The following ZNF573 variants were observed in gnomAD, a reference collection of about 807,000 sequenced individuals.
ZNF573 encodes zinc finger protein 573.
In ZNF573, 41 loss-of-function variants were observed where a neutral mutation model predicts 57.4. That is an observed-to-expected ratio of 0.71 (90% CI 0.56 to 0.93). The LOEUF is 0.93. Among genes scored for constraint, ZNF573 ranks in the 40% least tolerant of loss-of-function variants. ZNF573 has a pLI of 0.00. For synonymous variants in ZNF573, 249 were observed against 261.0 expected (o/e 0.95, Z 0.44); for missense variants, 730 against 794.8 (o/e 0.92, Z 0.98).
chr19:37,740,236 A>G (rs370333472), intron 4 of ZNF573, 42 bp from the exon 5 acceptor site: 18 of 1,495,324 alleles, frequency 1.2e-5, no homozygotes, highest in Non-Finnish European at 1.6e-5. Context: ...GTATTTCTAT[A>G]CCAGAGAACA....
chr19:37,739,164 A>C lies in ZNF573; in HGVS notation c.1326T>G (p.Phe442Leu). The change falls in exon 5 of 5, where the codon TTT becomes TTG. Residue 442 changes from phenylalanine (F) to leucine (L), a missense_variant. Physicochemically the swap from Phe to Leu is conservative, Grantham distance 22. Transcript: ENST00000536220. ...HQKIHTGMKH[F>L]ECKECKKTFT... ...AGGTTTTTTTACACTCCTTACATTC[A>C]AAGTGTTTCATGCCAGTATGAATTT... 1.2e-6 allele frequency: 2 copies of C among 1,613,202 alleles called. No individual in the cohort carries two copies. The highest frequency in any genetic ancestry group is 1.7e-6 in the Non-Finnish European group (2 of 1,179,774).
chr19:37,763,817 A>G (rs2045574881), intron 4 of ZNF573, among the ~76,000 whole-genome samples: 2 of 152,120 alleles, frequency 1.3e-5, no homozygotes, highest in Non-Finnish European at 2.9e-5. Flanking sequence ...TAATCCCAAC[A>G]CTTTGGGAGG....
chr19:37,753,491 G>C (rs1415211546), intron 4 of ZNF573, among the ~76,000 whole-genome samples: 5 of 151,364 alleles, frequency 3.3e-5, no homozygotes, highest in African/African-American at 1.2e-4. Context: ...TTTTTAAAGA[G>C]AAAACAGTAG....
In ZNF573 at chr19:37,739,049, T is replaced by C; in HGVS notation, c.1441A>G (p.Thr481Ala). Residue 481 changes from threonine (T) to alanine (A), a missense_variant, in exon 5 of 5, where the codon ACT becomes GCT. Thr to Ala is a moderately conservative substitution (Grantham distance 58). Coordinates refer to ENST00000536220, the MANE Select transcript of ZNF573 (RefSeq NM_001172690.2). Reference protein sequence around the residue: ...ECQECGKAYSTGSNLIQHRKT... With the variant: ...ECQECGKAYSAGSNLIQHRKT... ...CGATGTTGAATAAGGTTTGAGCCAGTACTATAGGCCTTCCCACATTCCTGA... is the reference window on the plus strand; with the variant it reads ...CGATGTTGAATAAGGTTTGAGCCAGCACTATAGGCCTTCCCACATTCCTGA... The C allele has an allele frequency of 6.2e-7, 1 of 1,612,510 alleles. No individual in the cohort carries two copies. The highest frequency in any genetic ancestry group is 1.1e-5 in the South Asian group (1 of 90,816).
At chr19:37,762,185 T>C (rs2045559545) in intron 4 of ZNF573, among the ~76,000 whole-genome samples, 2 of 152,208 alleles carry the variant, frequency 1.3e-5, no homozygotes, top group Non-Finnish European at 2.9e-5. Flanking sequence ...TTGCAGATTG[T>C]AGACATTCTA....
chr19:37,759,122 C>T, intron 4 of ZNF573: 1 of 526,016 alleles, frequency 1.9e-6, no homozygotes, highest in Non-Finnish European at 2.4e-6. Flanking sequence ...GCTGAGCAAC[C>T]CAGTGAGACC....
At chr19:37,773,465 C>T (rs887824037) in intron 2 of ZNF573, among the ~76,000 whole-genome samples, 196 bp downstream of exon 2, 1 of 152,064 alleles carries the variant, frequency 6.6e-6, no homozygotes, top group African/African-American at 2.4e-5. Flanking sequence ...ATACATTTGA[C>T]AATAAATATA....
At position 37,740,206 on chromosome 19, in the gene ZNF573, G is replaced by C; in HGVS notation, c.296-12C>G. On this transcript the variant is annotated splice_polypyrimidine_tract_variant and intron_variant, in intron 4 of 4. Coordinates refer to ENST00000536220, the MANE Select transcript of ZNF573 (RefSeq NM_001172690.2). ...CTGTAAATCCAAATCTGAAACAAAA[G>C]AGGACAACAAAAAAAATTTGTATTT... 6.5e-7 allele frequency: 1 copy of C among 1,535,582 alleles called. No homozygotes were observed. The highest frequency in any genetic ancestry group is 8.7e-7 in the Non-Finnish European group (1 of 1,146,064).
At chr19:37,754,061 A>G (rs2045464068) in intron 4 of ZNF573, among the ~76,000 whole-genome samples, 1 of 152,222 alleles carries the variant, frequency 6.6e-6, no homozygotes, top group Non-Finnish European at 1.5e-5. Flanking sequence ...GATACATAAA[A>G]GGGAGTAAAA....
At chr19:37,754,451 C>T (rs1439345744) in intron 4 of ZNF573, among the ~76,000 whole-genome samples, 1 of 146,060 alleles carries the variant, frequency 6.8e-6, no homozygotes, top group African/African-American at 2.6e-5. Flanking sequence ...ACCCGGGGGG[C>T]AGAGGTTGCA....
intron 4 of ZNF573, among the ~76,000 whole-genome samples, chr19:37,753,090 A>C (rs2045453848): frequency 6.6e-6 from 1 of 152,288 alleles, no homozygotes; most frequent in South Asian, 2.1e-4. Context: ...CCCCGTCTCT[A>C]CAAAAAAATT....
chr19:37,759,205 T>C (rs1266637297), intron 4 of ZNF573: 5 of 582,788 alleles, frequency 8.6e-6, no homozygotes, highest in Non-Finnish European at 1.1e-5. Context: ...TTACATATTA[T>C]AGAATTATGT....
chr19:37,771,943 A>C (rs543996141), intron 2 of ZNF573, among the ~76,000 whole-genome samples: 1 of 152,344 alleles, frequency 6.6e-6, no homozygotes, highest in Non-Finnish European at 1.5e-5. Context: ...GGTTACCACA[A>C]TAATTCAGAC....
rs1226499382 is a variant in ZNF573, at chr19:37,739,612, C to T, written c.878G>A (p.Gly293Glu). The T allele has an allele frequency of 6.2e-7, 1 of 1,613,814 alleles. No individual in the cohort carries two copies. Among genetic ancestry groups the T allele is most frequent in the African/African-American group, 1.3e-5 (1 of 74,906 alleles). Residue 293 changes from glycine to glutamate, a missense_variant, in exon 5 of 5, where the codon GGG becomes GAG. Coordinates refer to ENST00000536220, the MANE Select transcript of ZNF573 (RefSeq NM_001172690.2). Reference protein sequence around the residue: ...FSRRSNLVEHGQFHTDEKPYI... With the variant: ...FSRRSNLVEHEQFHTDEKPYI... ...TGGCTTCTCATCAGTATGAAACTGC[C>T]CATGTTCAACAAGATTTGAGCGCCT...
intron 4 of ZNF573, among the ~76,000 whole-genome samples, chr19:37,744,890 T>C (rs2145282251): frequency 6.6e-6 from 1 of 151,946 alleles, no homozygotes; most frequent in Middle Eastern, 3.4e-3. Flanking sequence ...CATGCCATTC[T>C]CCTGCCTCAG....
At chr19:37,764,301 G>GTT (rs561037624) in intron 4 of ZNF573, among the ~76,000 whole-genome samples, 2 of 146,726 alleles carry the variant, frequency 1.4e-5, no homozygotes, top group Non-Finnish European at 1.5e-5. Flanking sequence ...TATACTTAGA[G>GTT]TTTTTTTTTG....
In ZNF573 at chr19:37,739,781, C is replaced by A. The variant is rs776651545; in HGVS notation, c.709G>T (p.Glu237Ter). The A allele has an allele frequency of 6.2e-7, 1 of 1,614,050 alleles. No homozygotes were observed. Among genetic ancestry groups the A allele is most frequent in the Admixed American group, 1.7e-5 (1 of 60,012 alleles). The change falls in exon 5 of 5, where the codon GAG becomes TAG. Residue 237 changes from glutamate to a stop codon, truncating the protein, a stop_gained. Transcript: ENST00000536220. LOFTEE classifies it high-confidence loss of function. ...FIYASHIVQH[E>*]RIHTGGKPYE... ...GGCTTCCCACCAGTGTGAATTCTCT[C>A]ATGTTGAACAATGTGTGAGGCATAT...
intron 1 of ZNF573, 100 bp from the exon 2 acceptor site, chr19:37,773,851 G>T: frequency 1.4e-6 from 1 of 712,212 alleles, no homozygotes; most frequent in Non-Finnish European, 2.3e-6. Flanking sequence ...CCTCACAACT[G>T]AACATATAAC....
intron 4 of ZNF573, among the ~76,000 whole-genome samples, chr19:37,746,772 C>T (rs566241876): frequency 3.4e-4 from 52 of 152,196 alleles, no homozygotes; most frequent in Non-Finnish European, 6.5e-4. Flanking sequence ...TTAGTAGAGA[C>T]GGGGTTTCAC....
Sources: gnomAD v4.1 joint callset for allele counts (sites outside exome capture counted in the v4.1 genomes callset) on GRCh38, gnomAD v4.1.1 for gene constraint, MANE v1.5 for transcripts, NCBI Gene and HGNC (gene_info 2026-07-23, HGNC 2026-07-21) for gene names.